The following GRIA1 variants were observed in gnomAD, a reference collection of about 807,000 sequenced individuals.
GRIA1 encodes the protein glutamate receptor 1.
GRIA1 carries 31 observed loss-of-function variants against 99.2 expected under a neutral mutation model. The observed-to-expected ratio is 0.31, with a 90% CI of 0.23 to 0.42. The LOEUF (loss-of-function observed/expected upper bound fraction) is 0.42. GRIA1 is among the 10% of genes least tolerant of loss of function. GRIA1 has a pLI of 1.00. For synonymous variants in GRIA1, 438 were observed against 432.4 expected (o/e 1.01, Z -0.16); for missense variants, 782 against 1,157.5 (o/e 0.68, Z 4.71).
chr5:153,756,697 C>A (rs900032226), intron 11 of GRIA1, among the ~76,000 whole-genome samples: 1 of 152,104 alleles, frequency 6.6e-6, no homozygotes. Context: ...AACCTCTAAG[C>A]CTTCACAAGA....
At chr5:153,732,242 A>G (rs1024956181) in intron 11 of GRIA1, among the ~76,000 whole-genome samples, 3 of 149,178 alleles carry the variant, frequency 2.0e-5, no homozygotes, top group African/African-American at 7.5e-5. Flanking sequence ...ATATGTACCC[A>G]GAAGTGGGAT....
At chr5:153,548,359 G>C (rs546449400) in intron 2 of GRIA1, among the ~76,000 whole-genome samples, 2 of 152,238 alleles carry the variant, frequency 1.3e-5, no homozygotes, top group South Asian at 4.1e-4. Context: ...CTTCTCAATT[G>C]TGAAACACAG....
intron 13 of GRIA1, among the ~76,000 whole-genome samples, chr5:153,777,478 GAAT>G (rs922443001): frequency 6.6e-6 from 1 of 152,054 alleles, no homozygotes; most frequent in Non-Finnish European, 1.5e-5. Context: ...TGAAAAATTG[GAAT>G]AATAATTTTG....
At chr5:153,746,000 C>A (rs1762132673) in intron 11 of GRIA1, among the ~76,000 whole-genome samples, 2 of 152,200 alleles carry the variant, frequency 1.3e-5, no homozygotes, top group African/African-American at 4.8e-5. Flanking sequence ...CTGTTCTTAT[C>A]CCCATTTTCT....
At chr5:153,668,369 TG>T (rs1481737603) in intron 5 of GRIA1, among the ~76,000 whole-genome samples, 1 of 152,234 alleles carries the variant, frequency 6.6e-6, no homozygotes, top group Non-Finnish European at 1.5e-5. Context: ...TGATTTTATA[TG>T]GCTCATGAGC....
chr5:153,586,200 C>A (rs889818644), intron 2 of GRIA1, among the ~76,000 whole-genome samples: 1 of 152,128 alleles, frequency 6.6e-6, no homozygotes, highest in African/African-American at 2.4e-5. Context: ...CCCTCCTATG[C>A]AATGTAAGCT....
At chr5:153,631,386 C>A (rs1284058797) in intron 2 of GRIA1, among the ~76,000 whole-genome samples, 1 of 152,218 alleles carries the variant, frequency 6.6e-6, no homozygotes, top group East Asian at 1.9e-4. Context: ...ATACCAGAAT[C>A]AAGAATCAAT....
At chr5:153,541,208 G>T (rs1759061115) in intron 2 of GRIA1, among the ~76,000 whole-genome samples, 1 of 152,140 alleles carries the variant, frequency 6.6e-6, no homozygotes, top group Admixed American at 6.5e-5. Flanking sequence ...CCTTCACAGA[G>T]CTTGTCCTAA....
In GRIA1 at chr5:153,779,294, C is replaced by A. The variant is rs184973170; in HGVS notation, c.2270+8879C>A. ...TGATTTGTGGAACAGTGCTTAGGTA[C>A]AAACCCTGACTCTGAAATCCTCATT... is the stretch of plus-strand genomic sequence containing the variant. On this transcript the variant is annotated intron_variant, in intron 13 of 15. Transcript: ENST00000285900. Among the ~76,000 whole-genome samples, 324 of 152,292 alleles carry A rather than the reference C, an allele frequency of 2.1e-3. 2 individuals are homozygous for A. Among genetic ancestry groups the A allele is most frequent in the Non-Finnish European group, 2.6e-3 (177 of 68,028 alleles).
chr5:153,636,355 G>A (rs1053907850), intron 2 of GRIA1, among the ~76,000 whole-genome samples: 1 of 152,200 alleles, frequency 6.6e-6, no homozygotes, highest in Non-Finnish European at 1.5e-5. Flanking sequence ...CTATCTAGCA[G>A]CAGAATAGTG....
intron 11 of GRIA1, among the ~76,000 whole-genome samples, chr5:153,759,527 G>C (rs980932918): frequency 1.1e-4 from 17 of 151,966 alleles, no homozygotes; most frequent in African/African-American, 3.9e-4. Context: ...AACCTGAAAA[G>C]ACCAATAACA....
intron 5 of GRIA1, among the ~76,000 whole-genome samples, chr5:153,668,409 G>A (rs34845341): frequency 1.3e-5 from 2 of 151,950 alleles, no homozygotes; most frequent in Admixed American, 1.3e-4. Flanking sequence ...TTTTTTAATT[G>A]TTGGGAAAAA....
intron 2 of GRIA1, among the ~76,000 whole-genome samples, chr5:153,630,590 G>A (rs573954609): frequency 6.6e-6 from 1 of 152,262 alleles, no homozygotes; most frequent in South Asian, 2.1e-4. Context: ...GCAGGTCCAA[G>A]CTTCCCACCT....
intron 3 of GRIA1, among the ~76,000 whole-genome samples, chr5:153,649,191 C>G (rs1040970242): frequency 6.6e-6 from 1 of 152,152 alleles, no homozygotes; most frequent in African/African-American, 2.4e-5. Context: ...CCAACACAGC[C>G]CTGCTGACAC....
chr5:153,650,207 G>A, intron 3 of GRIA1, 123 bp from the exon 4 acceptor site: 3 of 719,432 alleles, frequency 4.2e-6, no homozygotes, highest in Non-Finnish European at 6.8e-6. Context: ...GAGAAAACTA[G>A]AACTGAGTTT....
intron 2 of GRIA1, among the ~76,000 whole-genome samples, chr5:153,571,169 G>A (rs115994601): frequency 0.023 from 3,535 of 152,240 alleles, 54 homozygotes; most frequent in Non-Finnish European, 0.037. Context: ...GATGCCAGCA[G>A]CAAACCAACC....
intron 2 of GRIA1, among the ~76,000 whole-genome samples, chr5:153,524,443 G>T (rs946826760): frequency 7.1e-6 from 1 of 141,496 alleles, no homozygotes; most frequent in East Asian, 2.0e-4. Context: ...AGCTCCTCTT[G>T]ACTGGATACA....
intron 2 of GRIA1, among the ~76,000 whole-genome samples, chr5:153,505,483 T>A (rs1211443597): frequency 6.6e-6 from 1 of 152,186 alleles, no homozygotes; most frequent in African/African-American, 2.4e-5. Flanking sequence ...AGCCTGCTCG[T>A]CTCATAGGAA....
chr5:153,554,736 T>C (rs1760467871), intron 2 of GRIA1, among the ~76,000 whole-genome samples: 1 of 152,162 alleles, frequency 6.6e-6, no homozygotes. Flanking sequence ...TCACATGATC[T>C]GCCCACCTCA....
Sources: gnomAD v4.1 joint callset for allele counts (sites outside exome capture counted in the v4.1 genomes callset) on GRCh38, gnomAD v4.1.1 for gene constraint, MANE v1.5 for transcripts, NCBI Gene and HGNC (gene_info 2026-07-23, HGNC 2026-07-21) for gene names.